MDM4: variants seen among roughly 807,000 people sequenced by gnomAD.
MDM4 encodes the protein protein Mdm4.
MDM4 carries 2 observed loss-of-function variants against 60.2 expected under a neutral mutation model. That is an observed-to-expected ratio of 0.03 (90% CI 0.01 to 0.10). The LOEUF (loss-of-function observed/expected upper bound fraction) is 0.10. Ranked by LOEUF, MDM4 falls within the 10% of genes least tolerant of loss-of-function variation. MDM4 has a pLI of 1.00. For missense variants in MDM4, 447 were observed against 577.5 expected (o/e 0.77, Z 2.32); for synonymous variants, 202 against 198.1 (o/e 1.02, Z -0.17).
In MDM4 at chr1:204,554,231, A is replaced by G. The variant is rs959160757; in HGVS notation, c.*4549A>G. 1 of 225,558 alleles carries G rather than the reference A, an allele frequency of 4.4e-6. No individual in the cohort carries two copies. The highest frequency in any genetic ancestry group is 1.8e-4 in the South Asian group (1 of 5,472). The allele number at this position is 225,558 out of a possible 1,614,324, so 14.0% of individuals were successfully genotyped here. A position where few individuals can be genotyped will look rare whatever the true frequency, so the allele number is the denominator to read the frequency against. Reference sequence around the variant, plus strand: ...TTGACTCGCTTTTGAAAGGAAGACAATTGTTAACTAGATATTTGAGTTTTT... The same window carrying G: ...TTGACTCGCTTTTGAAAGGAAGACAGTTGTTAACTAGATATTTGAGTTTTT... On this transcript the variant is annotated 3_prime_UTR_variant, in exon 11 of 11. Transcript: ENST00000367182.
At position 204,557,871 on chromosome 1, in the gene MDM4, T is replaced by G. The variant is rs552819590; in HGVS notation, c.*8189T>G. The G allele has an allele frequency of 1.6e-5, 3 of 186,808 alleles. No individual in the cohort carries two copies. In the East Asian group the frequency reaches 2.6e-4, roughly 16 times the overall value. The allele number at this position is 186,808 out of a possible 1,614,324, so 11.6% of individuals were successfully genotyped here. On this transcript the variant is annotated 3_prime_UTR_variant, in exon 11 of 11. Transcript: ENST00000367182. ...AATTTAAAATAACTTTTTGGGAGACTGAATTGAGTAATAATAAAACTTCAG... is the reference window on the plus strand; with the variant it reads ...AATTTAAAATAACTTTTTGGGAGACGGAATTGAGTAATAATAAAACTTCAG...
intron 1 of MDM4, among the ~76,000 whole-genome samples, chr1:204,521,512 T>C (rs1024033306): frequency 1.3e-5 from 2 of 151,862 alleles, no homozygotes; most frequent in African/African-American, 2.4e-5. Context: ...TGGCTAAGAG[T>C]CTGGGCTCAG....
At chr1:204,524,691 C>T (rs976202067) in intron 1 of MDM4, among the ~76,000 whole-genome samples, 6 of 152,332 alleles carry the variant, frequency 3.9e-5, no homozygotes, top group Admixed American at 3.3e-4. Context: ...GCAGGAGAAT[C>T]GCTTGAACCT....
chr1:204,538,335 A>C, intron 7 of MDM4, 27 bp downstream of exon 7: 1 of 1,221,112 alleles, frequency 8.2e-7, no homozygotes, highest in Non-Finnish European at 1.2e-6. Context: ...GGCTATATAG[A>C]CTTTTGTTCT....
At chr1:204,545,711 G>C (rs1662587512) in intron 9 of MDM4, among the ~76,000 whole-genome samples, 1 of 152,104 alleles carries the variant, frequency 6.6e-6, no homozygotes, top group Admixed American at 6.6e-5. Flanking sequence ...ATTTATTTTT[G>C]AGATGGGATC....
intron 1 of MDM4, among the ~76,000 whole-genome samples, chr1:204,519,967 C>T (rs1659395097): frequency 6.6e-6 from 1 of 151,804 alleles, no homozygotes; most frequent in Non-Finnish European, 1.5e-5. Flanking sequence ...AAACGAAAAA[C>T]TAAGAGATAA....
chr1:204,549,204 C>T lies in MDM4; in HGVS notation c.995C>T (p.Ser332Leu), dbSNP rs1169931742. The change falls in exon 11 of 11, where the codon TCA (serine) becomes TTA (leucine). Residue 332 changes from serine (S) to leucine (L), a missense_variant. This residue lies in a region of MDM4 where 21 missense variants were observed against 46.7 expected (regional missense o/e 0.45). Coordinates refer to ENST00000367182, the MANE Select transcript of MDM4 (RefSeq NM_002393.5). ...RCWALRKDWY[S>L]DCSKLTHSLS... ...TGGGCCTTGAGGAAGGATTGGTATT[C>T]AGATTGTTCAAAGTTAACCCATTCT... The T allele has an allele frequency of 2.5e-6, 4 of 1,613,756 alleles. No individual in the cohort carries two copies. Among genetic ancestry groups the T allele is most frequent in the Non-Finnish European group, 3.4e-6 (4 of 1,179,668 alleles).
In MDM4 at chr1:204,540,894, G is replaced by A. The variant is rs144636443; in HGVS notation, c.512-1890G>A. Among the ~76,000 whole-genome samples the A allele has an allele frequency of 3.6e-3, 553 of 152,280 alleles. 1 individual carries two copies. Among genetic ancestry groups the A allele is most frequent in the Middle Eastern group, 0.014 (4 of 294 alleles). ...TGATGGCTTCTAGTCTAGGCATGTG[G>A]ACCAATGGCAGGTTAAGCCTCTAGT... On this transcript the variant is annotated intron_variant, in intron 7 of 10. Coordinates refer to ENST00000367182, the MANE Select transcript of MDM4 (RefSeq NM_002393.5).
At chr1:204,532,817 A>T in intron 5 of MDM4, 2 of 1,611,618 alleles carry the variant, frequency 1.2e-6, no homozygotes, top group Non-Finnish European at 1.7e-6. Flanking sequence ...GAGTTGGCAG[A>T]TTGTATCCTT....
rs1660597132 is a variant in MDM4 at position 204,529,263 on chromosome 1, G to T, written c.154-1421G>T. ...CATCATTGAACAAGGACCAGTTGCAGTTGACCAGAGCCTGCTTCACCTCCT... is the reference window on the plus strand; with the variant it reads ...CATCATTGAACAAGGACCAGTTGCATTTGACCAGAGCCTGCTTCACCTCCT... On this transcript the variant is annotated intron_variant, in intron 3 of 10. Transcript: ENST00000367182. 38 of 733,014 alleles carry T rather than the reference G, an allele frequency of 5.2e-5. No homozygotes were observed. The South Asian group carries it at 5.3e-4, about 10-fold the overall frequency. The allele number at this position is 733,014 out of a possible 1,614,324, so 45.4% of individuals were successfully genotyped here. A position where few individuals can be genotyped will look rare whatever the true frequency, so the allele number is the denominator to read the frequency against.
Position 204,549,504 on chromosome 1 carries a change from A to G in MDM4, c.1295A>G (p.Asn432Ser), listed in dbSNP as rs1159959429. 1 of 1,610,714 alleles carries G rather than the reference A, an allele frequency of 6.2e-7. No individual in the cohort carries two copies. The highest frequency in any genetic ancestry group is 1.3e-5 in the African/African-American group (1 of 74,604). Residue 432 changes from asparagine (N) to serine (S), a missense_variant, in exon 11 of 11, where the codon AAT becomes AGT. Asn to Ser is a conservative substitution (Grantham distance 46, BLOSUM62 1). Around this residue, in one of 8 missense-constraint regions of MDM4, gnomAD observed 117 missense variants for 114.5 expected, o/e 1.02. Coordinates refer to ENST00000367182, the MANE Select transcript of MDM4 (RefSeq NM_002393.5). ...ACAGAAAACATGGAGGATTGCCAGA[A>G]TCTCTTGAAGCCATGTAGCTTATGT... ...TDTENMEDCQ[N>S]LLKPCSLCEK...
intron 1 of MDM4, among the ~76,000 whole-genome samples, chr1:204,520,846 A>G (rs775024583): frequency 2.0e-5 from 3 of 152,234 alleles, no homozygotes; most frequent in African/African-American, 4.8e-5. Context: ...ACTGTACTCC[A>G]GCCTGGGTGA....
Position 204,539,011 on chromosome 1 carries a change from A to T in MDM4, c.511+703A>T, listed in dbSNP as rs4252706. On this transcript the variant is annotated intron_variant, in intron 7 of 10. Transcript: ENST00000367182. ...CAGCCTCTGGAGTAGCTGGGATTACAGGCGCACGCCACCACACCCGGCTAA... is the reference window on the plus strand; with the variant it reads ...CAGCCTCTGGAGTAGCTGGGATTACTGGCGCACGCCACCACACCCGGCTAA... Among the ~76,000 whole-genome samples the T allele has an allele frequency of 2.6e-3, 389 of 152,172 alleles. 1 individual carries two copies. The highest frequency in any genetic ancestry group is 6.3e-3 in the Admixed American group (96 of 15,280).
At chr1:204,521,399 TTTTC>T (rs766687566) in intron 1 of MDM4, among the ~76,000 whole-genome samples, 8 of 152,246 alleles carry the variant, frequency 5.3e-5, no homozygotes, top group African/African-American at 9.6e-5. Context: ...CTTTGTTTTG[TTTTC>T]TTTCTTTTTT....
intron 10 of MDM4, 31 bp downstream of exon 10, chr1:204,546,908 C>T (rs1335434873): frequency 1.5e-6 from 2 of 1,348,938 alleles, no homozygotes; most frequent in African/African-American, 1.4e-5. Flanking sequence ...CTATTTTGCA[C>T]CAGCCCCATC....
intron 3 of MDM4, among the ~76,000 whole-genome samples, chr1:204,530,051 A>G (rs1041355593): frequency 5.3e-5 from 8 of 152,028 alleles, no homozygotes; most frequent in Admixed American, 1.3e-4. Flanking sequence ...TAAGTTTTGT[A>G]TGTTATGTAG....
At position 204,516,479 on chromosome 1, in the gene MDM4, G is replaced by A. The variant is rs993788034; in HGVS notation, c.-66G>A. 6.6e-6 allele frequency: 1 copy of A among 152,294 alleles called. No individual in the cohort carries two copies. Among genetic ancestry groups the A allele is most frequent in the Non-Finnish European group, 1.5e-5 (1 of 68,092 alleles). The allele number at this position is 152,294 out of a possible 1,614,324, so 9.4% of individuals were successfully genotyped here. ...CCACCCCTCCCCCCACCCGGGCTCGGCGGGGGAGCGACTCATGGAGCTGCC... is the reference window on the plus strand; with the variant it reads ...CCACCCCTCCCCCCACCCGGGCTCGACGGGGGAGCGACTCATGGAGCTGCC... On this transcript the variant is annotated 5_prime_UTR_variant, in exon 1 of 11. Coordinates refer to ENST00000367182, the MANE Select transcript of MDM4 (RefSeq NM_002393.5).
At chr1:204,518,364 ATTTAATCTTCCCAG>A (rs1174139597) in intron 1 of MDM4, among the ~76,000 whole-genome samples, 43 of 152,218 alleles carry the variant, frequency 2.8e-4, no homozygotes, top group African/African-American at 1.0e-3. Flanking sequence ...TTAATTAAAG[ATTTAATCTTCCCAG>A]TTTAATCTTC....
In MDM4 at chr1:204,550,990, AAC is replaced by A. The variant is rs1663149074; in HGVS notation, c.*1314_*1315del. 1 of 185,600 alleles carries A rather than the reference AAC, an allele frequency of 5.4e-6. No individual in the cohort carries two copies. The highest frequency in any genetic ancestry group is 1.1e-5 in the Non-Finnish European group (1 of 87,644). 11.5% of individuals were successfully genotyped at this position (185,600 alleles called of 1,614,324 possible). A position where few individuals can be genotyped will look rare whatever the true frequency, so the allele number is the denominator to read the frequency against. On this transcript the variant is annotated 3_prime_UTR_variant, in exon 11 of 11. Transcript: ENST00000367182. ...ACATGTCTTGGTTTTAATTCAGATAAACACACAAACATACTTCTCTGGCACAG... is the reference window on the plus strand; with the variant it reads ...ACATGTCTTGGTTTTAATTCAGATAAACACAAACATACTTCTCTGGCACAG...
Sources: allele counts gnomAD v4.1 joint callset (sites outside exome capture counted in the v4.1 genomes callset), GRCh38; gene constraint gnomAD v4.1.1; regional missense constraint gnomAD v4.1.1; transcripts MANE v1.5; gene names NCBI Gene and HGNC (gene_info 2026-07-23, HGNC 2026-07-21).